ADAMTSL1: variants seen among roughly 807,000 people sequenced by gnomAD.
The protein encoded by ADAMTSL1 is ADAMTS-like protein 1.
In ADAMTSL1, 126 loss-of-function variants were observed where a neutral mutation model predicts 201.8. The observed-to-expected ratio is 0.62, with a 90% confidence interval of 0.54 to 0.72. ADAMTSL1 has a LOEUF of 0.72. Ranked by LOEUF, ADAMTSL1 falls within the 30% of genes least tolerant of loss-of-function variation. The pLI is 0.00. For synonymous variants in ADAMTSL1, 1,121 were observed against 903.4 expected (o/e 1.24, Z -4.32); for missense variants, 2,679 against 2,277.8 (o/e 1.18, Z -3.59).
chr9:18,680,788 T>A (rs977218958), intron 11 of ADAMTSL1: 2 of 445,402 alleles, frequency 4.5e-6, no homozygotes, highest in Non-Finnish European at 8.2e-6. Context: ...AGCAACTGCC[T>A]TTCAAGGGTA....
intron 23 of ADAMTSL1, among the ~76,000 whole-genome samples, chr9:18,846,203 G>A (rs1027716625): frequency 6.6e-6 from 1 of 152,214 alleles, no homozygotes; most frequent in African/African-American, 2.4e-5. Context: ...ATTGATGTTT[G>A]TAGTCCTTTG....
At chr9:18,648,702 G>T (rs1461509151) in intron 7 of ADAMTSL1, among the ~76,000 whole-genome samples, 2 of 152,104 alleles carry the variant, frequency 1.3e-5, no homozygotes, top group East Asian at 3.9e-4. Flanking sequence ...CTTTAAGAAT[G>T]TTGAATATTG....
intron 1 of ADAMTSL1, among the ~76,000 whole-genome samples, chr9:17,957,440 C>A (rs1434190181): frequency 6.6e-6 from 1 of 152,160 alleles, no homozygotes. Context: ...TCATCATTGC[C>A]TTATAGCTTT....
At chr9:18,385,679 G>A (rs1412398600) in intron 2 of ADAMTSL1, among the ~76,000 whole-genome samples, 2 of 152,008 alleles carry the variant, frequency 1.3e-5, no homozygotes, top group South Asian at 2.1e-4. Context: ...TGAAAAGAAC[G>A]GTTATCCACC....
intron 2 of ADAMTSL1, among the ~76,000 whole-genome samples, chr9:18,298,773 C>A (rs928054526): frequency 1.3e-5 from 2 of 151,758 alleles, no homozygotes; most frequent in African/African-American, 4.8e-5. Context: ...CTTGTAATCC[C>A]AGCACTTTGG....
intron 1 of ADAMTSL1, among the ~76,000 whole-genome samples, chr9:18,086,613 C>T (rs192503356): frequency 9.9e-5 from 15 of 152,264 alleles, no homozygotes; most frequent in Non-Finnish European, 5.9e-5. Context: ...AACTTGTACT[C>T]TACACTGTGA....
chr9:18,200,022 G>T (rs1322411516), intron 2 of ADAMTSL1, among the ~76,000 whole-genome samples: 1 of 151,882 alleles, frequency 6.6e-6, no homozygotes, highest in African/African-American at 2.4e-5. Flanking sequence ...TAATAATGAT[G>T]GCTCTTAGCT....
intron 23 of ADAMTSL1, among the ~76,000 whole-genome samples, chr9:18,840,400 T>A (rs1240141659): frequency 1.3e-5 from 2 of 152,358 alleles, no homozygotes; most frequent in Middle Eastern, 3.4e-3. Context: ...TCTATATCTC[T>A]GTTTTGGTAC....
intron 22 of ADAMTSL1, 39 bp downstream of exon 22, chr9:18,826,502 T>C (rs934469): frequency 0.71 from 1,124,340 of 1,583,748 alleles, 403,131 homozygotes; most frequent in Non-Finnish European, 0.74. Flanking sequence ...CTGCACCCTG[T>C]TGGGAGTGAC....
Position 18,488,885 on chromosome 9 carries a change from G to A in ADAMTSL1, c.63+14590G>A, listed in dbSNP as rs547648782. Among the ~76,000 whole-genome samples, 5 of 152,278 alleles carry A rather than the reference G, an allele frequency of 3.3e-5. No homozygotes were observed. In the South Asian group the frequency reaches 1.0e-3, roughly 32 times the overall value. On this transcript the variant is annotated intron_variant, in intron 1 of 28. Coordinates refer to ENST00000380548, the MANE Select transcript of ADAMTSL1 (RefSeq NM_001040272.6). ...AACTAAGATTGCTTTTGAATTTGTG[G>A]GGTCTGGAGCACATTGAAGCCAGTA...
chr9:18,195,193 C>T (rs17198051), intron 2 of ADAMTSL1, among the ~76,000 whole-genome samples: 4,999 of 152,128 alleles, frequency 0.033, 121 homozygotes, highest in Non-Finnish European at 0.053. Context: ...CAGTAAAATT[C>T]GTAGTCAGTT....
intron 5 of ADAMTSL1, among the ~76,000 whole-genome samples, chr9:18,633,215 A>G (rs188585996): frequency 1.4e-3 from 211 of 152,298 alleles, no homozygotes; most frequent in African/African-American, 4.9e-3. Context: ...CTATTTCTAG[A>G]AAGTCCCATT....
intron 2 of ADAMTSL1, among the ~76,000 whole-genome samples, chr9:18,403,353 T>G (rs1034097836): frequency 6.6e-6 from 1 of 151,892 alleles, no homozygotes; most frequent in Non-Finnish European, 1.5e-5. Context: ...CCAGCTAATT[T>G]TTGTATTTTT....
chr9:18,610,257 C>T (rs928146597), intron 4 of ADAMTSL1, among the ~76,000 whole-genome samples: 1 of 152,132 alleles, frequency 6.6e-6, no homozygotes, highest in African/African-American at 2.4e-5. Flanking sequence ...ATTTTCTTAG[C>T]AGAAGAAATT....
At chr9:18,123,454 A>G (rs1415166637) in intron 1 of ADAMTSL1, among the ~76,000 whole-genome samples, 1 of 152,210 alleles carries the variant, frequency 6.6e-6, no homozygotes, top group Non-Finnish European at 1.5e-5. Context: ...GAGCAAATGA[A>G]GAGATTTTGT....
chr9:18,733,762 G>C (rs1818355682), intron 15 of ADAMTSL1, among the ~76,000 whole-genome samples: 3 of 150,550 alleles, frequency 2.0e-5, no homozygotes, highest in Non-Finnish European at 4.4e-5. Flanking sequence ...CCTAGTGCCT[G>C]TTCCCTCTCT....
At chr9:18,126,324 A>T (rs781420670) in intron 1 of ADAMTSL1, among the ~76,000 whole-genome samples, 2 of 152,148 alleles carry the variant, frequency 1.3e-5, no homozygotes, top group Non-Finnish European at 2.9e-5. Context: ...TCTTACCACT[A>T]TTCCCATTTC....
At chr9:18,561,173 C>T (rs538420010) in intron 3 of ADAMTSL1, among the ~76,000 whole-genome samples, 1 of 152,286 alleles carries the variant, frequency 6.6e-6, no homozygotes, top group East Asian at 1.9e-4. Context: ...GCATTTAGTG[C>T]TATAAATTTC....
chr9:18,841,246 AG>A lies in ADAMTSL1; in HGVS notation c.4249+11272del, dbSNP rs757488660. 5.0e-3 allele frequency among the ~76,000 whole-genome samples: 756 copies of A among 152,182 alleles called. 8 individuals are homozygous for A. Among genetic ancestry groups the A allele is most frequent in the African/African-American group, 0.017 (688 of 41,476 alleles). On this transcript the variant is annotated intron_variant, in intron 23 of 28. Transcript: ENST00000380548. ...AATTTATTGAGAGTTTTTAGCATGA[AG>A]GGTTGTTGAATTTTGTCAAAGGCCT...
Sources: allele counts gnomAD v4.1 joint callset (sites outside exome capture counted in the v4.1 genomes callset), GRCh38; gene constraint gnomAD v4.1.1; transcripts MANE v1.5; gene names NCBI Gene and HGNC (gene_info 2026-07-23, HGNC 2026-07-21).